Variants in MPPED1 observed in about 807,000 individuals in gnomAD.
MPPED1 encodes the protein metallophosphoesterase domain-containing protein 1.
In MPPED1, 16 loss-of-function variants were observed where a neutral mutation model predicts 36.2. The ratio of observed to expected loss-of-function variants is 0.44; its 90% CI spans 0.30 to 0.67. The LOEUF (loss-of-function observed/expected upper bound fraction) is 0.67. MPPED1 is among the 30% of genes least tolerant of loss of function. The pLI is 0.10. For missense variants in MPPED1, 307 were observed against 453.4 expected, an observed-to-expected ratio of 0.68 and a Z score of 2.93; for synonymous variants, 199 against 191.3, an observed-to-expected ratio of 1.04 and a Z score of -0.33.
chr22:43,459,531 T>C lies in MPPED1; in HGVS notation c.407-15205T>C, dbSNP rs190079993. 3.8e-3 allele frequency among the ~76,000 whole-genome samples: 578 copies of C among 152,366 alleles called. 2 individuals carry two copies. The highest frequency in any genetic ancestry group is 5.0e-3 in the Non-Finnish European group (337 of 68,030). ...TTTTCTTCATTCTTTTTCCTTTCTG[T>C]TCCTCAAACTGGATGATTTCAACAG... On this transcript the variant is annotated intron_variant, in intron 3 of 6. Transcript: ENST00000443721.
At chr22:43,460,410 A>C (rs1380845570) in intron 3 of MPPED1, among the ~76,000 whole-genome samples, 3 of 151,810 alleles carry the variant, frequency 2.0e-5, no homozygotes, top group Admixed American at 6.6e-5. Context: ...GGCTCACTGC[A>C]ATATCCGTCT....
At chr22:43,473,880 AC>A (rs1931458323) in intron 3 of MPPED1, among the ~76,000 whole-genome samples, 1 of 152,192 alleles carries the variant, frequency 6.6e-6, no homozygotes, top group African/African-American at 2.4e-5. Context: ...AGAAAACTGG[AC>A]CCCAGAGAGA....
intron 3 of MPPED1, among the ~76,000 whole-genome samples, chr22:43,466,136 T>C (rs566203098): frequency 6.6e-6 from 1 of 152,314 alleles, no homozygotes; most frequent in African/African-American, 2.4e-5. Flanking sequence ...AAAACAAATG[T>C]TTGAAAGTTA....
At chr22:43,495,585 T>A (rs1163073876) in intron 4 of MPPED1, among the ~76,000 whole-genome samples, 1 of 86,518 alleles carries the variant, frequency 1.2e-5, no homozygotes, top group Non-Finnish European at 2.6e-5. Flanking sequence ...GTGGAGGTGG[T>A]GGTGGTGGAG....
intron 4 of MPPED1, among the ~76,000 whole-genome samples, chr22:43,496,313 GCGGAGATGGTGGTGATGGAGGTGGTGA>G (rs1466537799): frequency 2.0e-5 from 1 of 49,966 alleles, no homozygotes; most frequent in Non-Finnish European, 3.2e-5. Context: ...GGTAGTGGTG[GCGGAGATGGTGGTGATGGAGGTGGTGA>G]TGGAGGTGGT....
At chr22:43,484,020 C>T (rs1040550140) in intron 4 of MPPED1, among the ~76,000 whole-genome samples, 1 of 152,214 alleles carries the variant, frequency 6.6e-6, no homozygotes, top group East Asian at 1.9e-4. Context: ...CTTAAGTGGC[C>T]GAGGCCTCCC....
chr22:43,419,773 G>A (rs1467833196), intron 1 of MPPED1, among the ~76,000 whole-genome samples: 1 of 152,036 alleles, frequency 6.6e-6, no homozygotes, highest in Non-Finnish European at 1.5e-5. Context: ...ACAGAGAGGT[G>A]GGTCCTGGAG....
At chr22:43,433,157 A>C (rs1469954883) in intron 2 of MPPED1, among the ~76,000 whole-genome samples, 3 of 152,086 alleles carry the variant, frequency 2.0e-5, no homozygotes, top group Middle Eastern at 3.4e-3. Flanking sequence ...AGTGGTGGGA[A>C]TTTCTGGGAA....
chr22:43,461,251 G>A (rs1930948447), intron 3 of MPPED1, among the ~76,000 whole-genome samples: 2 of 152,168 alleles, frequency 1.3e-5, no homozygotes, highest in South Asian at 4.2e-4. Context: ...AGTGAAAGGG[G>A]CTTTCTTGGG....
chr22:43,496,435 GGTGGTGGTGGAGGTA>G (rs1932364829), intron 4 of MPPED1, among the ~76,000 whole-genome samples: 1 of 101,180 alleles, frequency 9.9e-6, no homozygotes, highest in African/African-American at 5.1e-5. Flanking sequence ...TGGTGGAGGT[GGTGGTGGTGGAGGTA>G]GTGGTGGTGG....
At chr22:43,487,582 C>A (rs1041645957) in intron 4 of MPPED1, among the ~76,000 whole-genome samples, 3 of 152,128 alleles carry the variant, frequency 2.0e-5, no homozygotes, top group Non-Finnish European at 4.4e-5. Context: ...GGGGTGCAGG[C>A]CTCTTCCCCT....
rs1602036045 is a variant in MPPED1, at chr22:43,507,752, G to A, written c.*2136G>A. On this transcript the variant is annotated 3_prime_UTR_variant, in exon 7 of 7. Transcript: ENST00000443721. ...CCTCGAGGTATGAAGATGACGGCGT[G>A]CTTCTCAATCATTTTGGCATAACTT... The A allele has an allele frequency of 6.6e-6, 1 of 151,436 alleles. No individual in the cohort carries two copies. The highest frequency in any genetic ancestry group is 2.4e-5 in the African/African-American group (1 of 41,154). The allele number at this position is 151,436 out of a possible 1,614,324, so 9.4% of individuals were successfully genotyped here. A position where few individuals can be genotyped will look rare whatever the true frequency, so the allele number is the denominator to read the frequency against.
intron 2 of MPPED1, among the ~76,000 whole-genome samples, chr22:43,425,755 C>T (rs556134244): frequency 8.5e-5 from 13 of 152,370 alleles, no homozygotes; most frequent in Non-Finnish European, 1.8e-4. Flanking sequence ...TTCCTTTTGT[C>T]CAGACCCTGT....
intron 4 of MPPED1, among the ~76,000 whole-genome samples, chr22:43,482,871 G>T (rs1411170483): frequency 6.6e-6 from 1 of 152,222 alleles, no homozygotes; most frequent in Non-Finnish European, 1.5e-5. Flanking sequence ...AGGCCTGCCA[G>T]TTGGATGGGG....
chr22:43,425,061 G>C lies in MPPED1; in HGVS notation c.76G>C (p.Ala26Pro), dbSNP rs762503603. 7 of 1,613,348 alleles carry C rather than the reference G, an allele frequency of 4.3e-6. No homozygotes were observed. The South Asian group carries it at 7.7e-5, about 18-fold the overall frequency. Residue 26 changes from alanine to proline, a missense_variant, in exon 2 of 7, where the codon GCA becomes CCA. By Grantham distance (27) the Ala-to-Pro change is conservative. This residue lies in a region of MPPED1 where 169 missense variants were observed against 212.3 expected (regional missense o/e 0.80). Transcript: ENST00000443721. ...LALLPCGLGM[A>P]FSQSHVMAAR... ...CCTCCTCCCCTGCGGCCTGGGCATG[G>C]CATTCTCCCAGTCCCACGTGATGGC...
chr22:43,447,883 A>ATATATATATATATATATATATATATTTTT (rs1321289636), intron 3 of MPPED1, among the ~76,000 whole-genome samples: 3 of 67,700 alleles, frequency 4.4e-5, no homozygotes, highest in African/African-American at 6.7e-5. Context: ...ATATATATAT[A>ATATATATATATATATATATATATATTTTT]TTTTTTTTTT....
intron 3 of MPPED1, among the ~76,000 whole-genome samples, chr22:43,461,556 G>T (rs1930957383): frequency 6.6e-6 from 1 of 152,150 alleles, no homozygotes; most frequent in Admixed American, 6.5e-5. Context: ...TCCTCAAAGT[G>T]CTTCTCTGTA....
At chr22:43,425,784 G>A (rs79747300) in intron 2 of MPPED1, among the ~76,000 whole-genome samples, 3,814 of 152,328 alleles carry the variant, frequency 0.025, 158 homozygotes, top group African/African-American at 0.084. Flanking sequence ...TGTGAAAGCA[G>A]AGATGCTTTT....
intron 3 of MPPED1, among the ~76,000 whole-genome samples, chr22:43,444,279 G>GGTGTGTGTGTGT (rs35340638): frequency 1.0e-3 from 146 of 142,018 alleles, no homozygotes; most frequent in South Asian, 5.2e-3. Flanking sequence ...GACCCACTGG[G>GGTGTGTGTGTGT]GTGTGTGTGT....
Sources: gnomAD v4.1 joint callset for allele counts (sites outside exome capture counted in the v4.1 genomes callset) on GRCh38, gnomAD v4.1.1 for gene constraint, gnomAD v4.1.1 regional missense constraint, MANE v1.5 for transcripts, NCBI Gene and HGNC (gene_info 2026-07-23, HGNC 2026-07-21) for gene names.